KCND2: variants seen among roughly 807,000 people sequenced by gnomAD.
KCND2 encodes A-type voltage-gated potassium channel KCND2.
Under a neutral mutation model 54.4 loss-of-function variants are expected in KCND2, and 16 were observed. The ratio of observed to expected loss-of-function variants is 0.29; its 90% confidence interval spans 0.20 to 0.45. KCND2 has a LOEUF of 0.45. Among genes scored for constraint, KCND2 ranks in the 20% least tolerant of loss-of-function variants. The probability of loss-of-function intolerance (pLI) is 1.00; values close to 1 mark genes in which losing one functional copy is unlikely to be tolerated. For synonymous variants in KCND2, 317 were observed against 310.7 expected, an observed-to-expected ratio of 1.02 and a Z score of -0.21; for missense variants, 486 against 824.2, an observed-to-expected ratio of 0.59 and a Z score of 5.02.
chr7:120,294,441 T>C (rs950247751), intron 1 of KCND2, among the ~76,000 whole-genome samples: 1 of 151,904 alleles, frequency 6.6e-6, no homozygotes, highest in Non-Finnish European at 1.5e-5. Flanking sequence ...ACAACTGTAA[T>C]CATTTTTCTC....
chr7:120,649,435 G>T (rs1791696673), intron 1 of KCND2, among the ~76,000 whole-genome samples: 1 of 152,124 alleles, frequency 6.6e-6, no homozygotes, highest in African/African-American at 2.4e-5. Flanking sequence ...GTACATAGTT[G>T]TAGAAAGAAA....
At chr7:120,281,857 G>A (rs573131879) in intron 1 of KCND2, among the ~76,000 whole-genome samples, 8 of 152,132 alleles carry the variant, frequency 5.3e-5, no homozygotes, top group Non-Finnish European at 8.8e-5. Context: ...CTACTCTTAA[G>A]CCAAATTATT....
chr7:120,685,681 C>T (rs1449827093), intron 1 of KCND2, among the ~76,000 whole-genome samples: 1 of 152,084 alleles, frequency 6.6e-6, no homozygotes, highest in Non-Finnish European at 1.5e-5. Flanking sequence ...CACAGCCTTA[C>T]TTGAATCCTG....
At chr7:120,583,086 CT>C (rs2116446216) in intron 1 of KCND2, among the ~76,000 whole-genome samples, 1 of 152,140 alleles carries the variant, frequency 6.6e-6, no homozygotes, top group East Asian at 1.9e-4. Context: ...GGCAGAGTCT[CT>C]TACTCATAGT....
intron 1 of KCND2, among the ~76,000 whole-genome samples, chr7:120,515,801 C>T (rs187770256): frequency 6.6e-6 from 1 of 152,074 alleles, no homozygotes; most frequent in African/African-American, 2.4e-5. Context: ...GGAAGCCAAA[C>T]GTTGAAATGG....
At chr7:120,383,605 CATT>C (rs1364710511) in intron 1 of KCND2, among the ~76,000 whole-genome samples, 1 of 151,984 alleles carries the variant, frequency 6.6e-6, no homozygotes, top group East Asian at 1.9e-4. Context: ...TTTAGTGAAA[CATT>C]GTTGAATATA....
intron 1 of KCND2, among the ~76,000 whole-genome samples, chr7:120,289,862 T>A (rs1799408564): frequency 6.6e-6 from 1 of 152,164 alleles, no homozygotes; most frequent in African/African-American, 2.4e-5. Flanking sequence ...TCACCTTTAT[T>A]TTAGTTGGTT....
chr7:120,634,094 C>A (rs1286289987), intron 1 of KCND2, among the ~76,000 whole-genome samples: 1 of 152,036 alleles, frequency 6.6e-6, no homozygotes, highest in Non-Finnish European at 1.5e-5. Context: ...TCATTTTAGA[C>A]AGTGTGATAT....
intron 1 of KCND2, among the ~76,000 whole-genome samples, chr7:120,552,196 T>G (rs1333388778): frequency 6.6e-6 from 1 of 152,186 alleles, no homozygotes; most frequent in Non-Finnish European, 1.5e-5. Flanking sequence ...TCAATCATAT[T>G]GTACCACAAG....
chr7:120,648,381 G>A (rs1793467659), intron 1 of KCND2, among the ~76,000 whole-genome samples: 3 of 152,134 alleles, frequency 2.0e-5, no homozygotes, highest in Non-Finnish European at 2.9e-5. Flanking sequence ...ATTATGTGGA[G>A]TAGTAGGTGG....
At chr7:120,408,828 G>A (rs1801404308) in intron 1 of KCND2, among the ~76,000 whole-genome samples, 1 of 151,678 alleles carries the variant, frequency 6.6e-6, no homozygotes, top group Non-Finnish European at 1.5e-5. Context: ...TAATTCCATA[G>A]TACATATTTG....
At chr7:120,281,431 A>G (rs1799261719) in intron 1 of KCND2, among the ~76,000 whole-genome samples, 1 of 149,546 alleles carries the variant, frequency 6.7e-6, no homozygotes, top group African/African-American at 2.4e-5. Flanking sequence ...GATATTGAAA[A>G]AAAAAAAAAA....
intron 1 of KCND2, among the ~76,000 whole-genome samples, chr7:120,713,949 G>T (rs1792571726): frequency 6.6e-6 from 1 of 152,098 alleles, no homozygotes; most frequent in Non-Finnish European, 1.5e-5. Context: ...AATAATATTG[G>T]CTTTGTGATA....
At chr7:120,656,125 C>T (rs1791800728) in intron 1 of KCND2, among the ~76,000 whole-genome samples, 1 of 152,006 alleles carries the variant, frequency 6.6e-6, no homozygotes, top group Non-Finnish European at 1.5e-5. Context: ...TTGACATATG[C>T]ATTATCTATA....
intron 1 of KCND2, among the ~76,000 whole-genome samples, chr7:120,409,350 A>G (rs1051284917): frequency 8.6e-5 from 13 of 151,996 alleles, no homozygotes; most frequent in Non-Finnish European, 2.9e-5. Flanking sequence ...TATGTTATAT[A>G]CTATGGCTCT....
chr7:120,709,618 A>T lies in KCND2; in HGVS notation c.1116-23285A>T, dbSNP rs141832307. ...AAGTATTTGGTTAAGAAAGGAAAGT[A>T]ACAGGAGTAAGAAAACATGTGTTAA... On this transcript the variant is annotated intron_variant, in intron 1 of 5. Coordinates refer to ENST00000331113, the MANE Select transcript of KCND2 (RefSeq NM_012281.3). Among the ~76,000 whole-genome samples the T allele has an allele frequency of 7.6e-3, 1,154 of 152,316 alleles. 16 individuals carry two copies. Among genetic ancestry groups the T allele is most frequent in the Non-Finnish European group, 9.9e-3 (670 of 68,006 alleles).
chr7:120,741,471 C>A, intron 2 of KCND2, 63 bp from the exon 3 acceptor site: 1 of 1,072,574 alleles, frequency 9.3e-7, no homozygotes, highest in South Asian at 1.3e-5. Context: ...TACAAGGGTT[C>A]ATTCACTGTT....
intron 1 of KCND2, among the ~76,000 whole-genome samples, chr7:120,382,377 T>G (rs971982832): frequency 6.6e-5 from 10 of 151,770 alleles, no homozygotes; most frequent in Admixed American, 6.6e-4. Flanking sequence ...GCTAGAAGAG[T>G]ACAAGCATAG....
chr7:120,312,818 G>A (rs1799758329), intron 1 of KCND2, among the ~76,000 whole-genome samples: 2 of 152,164 alleles, frequency 1.3e-5, no homozygotes, highest in Admixed American at 1.3e-4. Flanking sequence ...TGGATTTGGA[G>A]ATACAGGTGG....
Sources: allele counts gnomAD v4.1 joint callset (sites outside exome capture counted in the v4.1 genomes callset), GRCh38; gene constraint gnomAD v4.1.1; transcripts MANE v1.5; gene names NCBI Gene and HGNC (gene_info 2026-07-23, HGNC 2026-07-21).